The following ENTREP2 variants were observed in gnomAD, a reference collection of about 807,000 sequenced individuals.
The protein encoded by ENTREP2 is endosomal transmembrane epsin interactor 2.
At chr15:29,308,599 C>A in the ENTREP2 span, among the ~76,000 whole-genome samples, 1 of 152,144 alleles carries the variant, frequency 6.6e-6, no homozygotes, top group African/African-American at 2.4e-5. Flanking sequence ...CTCAGCAACA[C>A]AGGGATAGGA....
chr15:29,134,949 G>A, the ENTREP2 span, among the ~76,000 whole-genome samples: 23 of 152,228 alleles, frequency 1.5e-4, no homozygotes, highest in East Asian at 4.1e-3. Context: ...CTGATGCCCG[G>A]TACCAGTGCC....
chr15:29,204,126 G>A, the ENTREP2 span, among the ~76,000 whole-genome samples: 18 of 152,234 alleles, frequency 1.2e-4, no homozygotes, highest in African/African-American at 2.6e-4. Context: ...GTGTGCAGGC[G>A]GCTGACAGAT....
the ENTREP2 span, among the ~76,000 whole-genome samples, chr15:29,130,121 C>T: frequency 1.3e-5 from 2 of 152,166 alleles, no homozygotes; most frequent in African/African-American, 2.4e-5. Context: ...GCCTTCCCAC[C>T]CACACAAAGG....
chr15:29,279,827 A>T, the ENTREP2 span, among the ~76,000 whole-genome samples: 4 of 152,182 alleles, frequency 2.6e-5, no homozygotes, highest in Admixed American at 6.5e-5. Context: ...CTTTATATCA[A>T]CATGAGAAAT....
At chr15:29,287,609 A>G in the ENTREP2 span, among the ~76,000 whole-genome samples, 1 of 152,246 alleles carries the variant, frequency 6.6e-6, no homozygotes, top group African/African-American at 2.4e-5. Flanking sequence ...ATTATAAAAC[A>G]ATATTGAGAT....
the ENTREP2 span, among the ~76,000 whole-genome samples, chr15:29,280,558 A>G: frequency 2.6e-5 from 4 of 152,198 alleles, no homozygotes; most frequent in East Asian, 7.7e-4. Flanking sequence ...TAGCAACCTT[A>G]TAAATACAAA....
chr15:29,561,951 A>G, the ENTREP2 span, among the ~76,000 whole-genome samples: 18 of 152,232 alleles, frequency 1.2e-4, no homozygotes, highest in Non-Finnish European at 1.5e-5. Context: ...TTAGGTGATC[A>G]AGGTGAATAT....
At chr15:29,312,340 A>C in the ENTREP2 span, among the ~76,000 whole-genome samples, 5 of 152,146 alleles carry the variant, frequency 3.3e-5, no homozygotes, top group Non-Finnish European at 7.3e-5. Context: ...GCACCAAAAA[A>C]AAAAAAGAAA....
chr15:29,499,670 C>T, the ENTREP2 span, among the ~76,000 whole-genome samples: 1 of 152,018 alleles, frequency 6.6e-6, no homozygotes, highest in Admixed American at 6.6e-5. Flanking sequence ...GCCACCATGC[C>T]CAGTCAAAAA....
chr15:29,194,829 G>A, the ENTREP2 span, among the ~76,000 whole-genome samples: 3 of 152,280 alleles, frequency 2.0e-5, no homozygotes, highest in East Asian at 1.9e-4. Context: ...CAAGGGGGAC[G>A]CCAGGACCTT....
At chr15:29,145,353 T>C in the ENTREP2 span, among the ~76,000 whole-genome samples, 1 of 152,044 alleles carries the variant, frequency 6.6e-6, no homozygotes, top group African/African-American at 2.4e-5. Context: ...CTGGACACGG[T>C]GGCTCATGCC....
the ENTREP2 span, among the ~76,000 whole-genome samples, chr15:29,393,310 C>T: frequency 6.6e-6 from 1 of 152,196 alleles, no homozygotes; most frequent in African/African-American, 2.4e-5. Context: ...CAGGAATGCA[C>T]CCAGGATTTG....
At chr15:29,452,824 G>A in the ENTREP2 span, 1 of 151,636 alleles carries the variant, frequency 6.6e-6, no homozygotes, top group Non-Finnish European at 1.5e-5. Context: ...GAGGGTGGGG[G>A]GTTGGGGGGA....
the ENTREP2 span, among the ~76,000 whole-genome samples, chr15:29,647,519 A>G: frequency 1.3e-5 from 2 of 152,234 alleles, no homozygotes; most frequent in African/African-American, 4.8e-5. Flanking sequence ...AATGTACAGT[A>G]CAGGCAAATG....
the ENTREP2 span, among the ~76,000 whole-genome samples, chr15:29,435,717 G>T: frequency 6.6e-6 from 1 of 151,666 alleles, no homozygotes; most frequent in East Asian, 1.9e-4. Context: ...ATATGTGTGT[G>T]TGTGTGTATA....
chr15:29,207,620 T>C, the ENTREP2 span, among the ~76,000 whole-genome samples: 2 of 152,172 alleles, frequency 1.3e-5, no homozygotes, highest in South Asian at 4.1e-4. Context: ...TACAGAGCGC[T>C]GATTGGTGCA....
the ENTREP2 span, among the ~76,000 whole-genome samples, chr15:29,247,798 T>A: frequency 6.6e-6 from 1 of 152,156 alleles, no homozygotes. Flanking sequence ...AAGCAAATTA[T>A]CATCCTCCTG....
the ENTREP2 span, chr15:29,569,377 A>C: frequency 1.3e-5 from 2 of 152,352 alleles, no homozygotes; most frequent in Admixed American, 1.3e-4. Context: ...AAAAACAAAG[A>C]CCATTATGAA....
At chr15:29,613,338 A>G in the ENTREP2 span, 1 of 266,702 alleles carries the variant, frequency 3.7e-6, no homozygotes. Flanking sequence ...GGCAGGCAGC[A>G]GTACACAGTG....
Sources: gnomAD v4.1 joint callset for allele counts (sites outside exome capture counted in the v4.1 genomes callset) on GRCh38, gnomAD v4.1.1 for gene constraint, MANE v1.5 for transcripts, NCBI Gene and HGNC (gene_info 2026-07-23, HGNC 2026-07-21) for gene names.